The following SEMA6D variants were observed in gnomAD, a reference collection of about 807,000 sequenced individuals.
SEMA6D encodes the protein semaphorin 6D, also known as semaphorin-6D.
In SEMA6D, 35 loss-of-function variants were observed where a neutral mutation model predicts 106.6. The ratio of observed to expected loss-of-function variants is 0.33; its 90% CI spans 0.25 to 0.44. SEMA6D has a LOEUF of 0.44. Among genes scored for constraint, SEMA6D ranks in the 20% least tolerant of loss-of-function variants. SEMA6D has a pLI of 1.00. For synonymous variants in SEMA6D, 499 were observed against 487.7 expected, an observed-to-expected ratio of 1.02 and a Z score of -0.31; for missense variants, 1,185 against 1,345.9, an observed-to-expected ratio of 0.88 and a Z score of 1.87.
At position 47,602,103 on chromosome 15, in the gene SEMA6D, A is replaced by G. The variant is rs1313930160; in HGVS notation, c.-55+1207A>G. ...ATGTAGTCATCTTACTCTATGAAAC[A>G]GAAACATATTTGGATCACAAACCTG... On this transcript the variant is annotated intron_variant, in intron 4 of 19. Coordinates refer to the SEMA6D transcript ENST00000558014. 3.3e-5 allele frequency among the ~76,000 whole-genome samples: 5 copies of G among 152,342 alleles called. No individual in the cohort carries two copies. In the East Asian group the frequency reaches 9.6e-4, roughly 29 times the overall value.
chr15:47,641,054 A>G (rs1199943589), intron 4 of SEMA6D, among the ~76,000 whole-genome samples: 1 of 152,174 alleles, frequency 6.6e-6, no homozygotes, highest in Admixed American at 6.5e-5. Flanking sequence ...TTCAAAGCCA[A>G]GTTAAATGGA....
At chr15:47,369,143 G>A (rs1173995422) in intron 1 of SEMA6D, among the ~76,000 whole-genome samples, 2 of 152,168 alleles carry the variant, frequency 1.3e-5, no homozygotes, top group African/African-American at 4.8e-5. Flanking sequence ...AAATGAAAGG[G>A]CATTTAAGTG....
At chr15:47,713,283 A>G (rs1050617001), upstream of SEMA6D, among the ~76,000 whole-genome samples, 1 of 152,226 alleles carries the variant, frequency 6.6e-6, no homozygotes, top group Non-Finnish European at 1.5e-5. Context: ...GCACATTTTT[A>G]TCATTCTAAA....
In SEMA6D at chr15:47,217,764, A is replaced by T. The variant is rs547188896; in HGVS notation, c.-239+33346A>T. On this transcript the variant is annotated intron_variant, in intron 1 of 19. Coordinates refer to the SEMA6D transcript ENST00000558014. Reference sequence around the variant, plus strand: ...CTTAATTAAAGTTAAATATATTAAAAATATATATATTTAAATATGTTGTGC... The same window carrying T: ...CTTAATTAAAGTTAAATATATTAAATATATATATATTTAAATATGTTGTGC... 1.4e-4 allele frequency among the ~76,000 whole-genome samples: 21 copies of T among 151,750 alleles called. No individual in the cohort carries two copies. In the South Asian group the frequency reaches 3.5e-3, roughly 25 times the overall value.
Position 47,315,427 on chromosome 15 carries a change from ACTCT to A in SEMA6D, c.-238-96963_-238-96960del, listed in dbSNP as rs1004541413. Among the ~76,000 whole-genome samples the A allele has an allele frequency of 1.1e-4, 16 of 151,206 alleles. No homozygotes were observed. In the East Asian group the frequency reaches 2.3e-3, roughly 22 times the overall value. On this transcript the variant is annotated intron_variant, in intron 1 of 19. Transcript: ENST00000558014. Reference sequence around the variant, plus strand: ...TACATTTACGGGGGTCTATTTCTGGACTCTCTATCCTCTTCCATTAATCTATTTG... The same window carrying A: ...TACATTTACGGGGGTCTATTTCTGGACTATCCTCTTCCATTAATCTATTTG...
At chr15:47,335,778 A>T (rs2037528925) in intron 1 of SEMA6D, among the ~76,000 whole-genome samples, 1 of 152,196 alleles carries the variant, frequency 6.6e-6, no homozygotes, top group South Asian at 2.1e-4. Flanking sequence ...CATAGGACTC[A>T]TCCAAGCAGG....
At chr15:47,266,156 C>T (rs1248310673) in intron 1 of SEMA6D, among the ~76,000 whole-genome samples, 1 of 152,082 alleles carries the variant, frequency 6.6e-6, no homozygotes, top group South Asian at 2.1e-4. Flanking sequence ...ACAATCTGCT[C>T]CACAGTTTTG....
At chr15:47,283,769 T>C (rs2035238256) in intron 1 of SEMA6D, among the ~76,000 whole-genome samples, 1 of 152,176 alleles carries the variant, frequency 6.6e-6, no homozygotes, top group Admixed American at 6.5e-5. Flanking sequence ...GTCTCAACCC[T>C]GTGTTTAATC....
At chr15:47,745,044 T>A (rs1305258730) in intron 1 of SEMA6D, among the ~76,000 whole-genome samples, 3 of 152,158 alleles carry the variant, frequency 2.0e-5, no homozygotes, top group African/African-American at 7.2e-5. Context: ...CTCCCTATTA[T>A]CTCCAGGTGT....
At chr15:47,506,835 G>A (rs947210169) in intron 3 of SEMA6D, among the ~76,000 whole-genome samples, 1 of 152,074 alleles carries the variant, frequency 6.6e-6, no homozygotes, top group Non-Finnish European at 1.5e-5. Context: ...CATTATTCCT[G>A]TTGCCATATT....
chr15:47,500,199 A>C (rs538978124), intron 3 of SEMA6D, among the ~76,000 whole-genome samples: 28 of 152,288 alleles, frequency 1.8e-4, no homozygotes, highest in African/African-American at 5.8e-4. Flanking sequence ...TCTGTTTAAC[A>C]GACACTTCCT....
At chr15:47,305,429 T>C (rs2036195926) in intron 1 of SEMA6D, among the ~76,000 whole-genome samples, 1 of 152,202 alleles carries the variant, frequency 6.6e-6, no homozygotes, top group Non-Finnish European at 1.5e-5. Flanking sequence ...AAAAAAGCCA[T>C]GATCCCTTAT....
chr15:47,460,476 C>T (rs764813420), intron 2 of SEMA6D, among the ~76,000 whole-genome samples: 3 of 151,964 alleles, frequency 2.0e-5, no homozygotes, highest in Non-Finnish European at 2.9e-5. Flanking sequence ...TCTCAATGTG[C>T]TTTGAAAGCA....
At chr15:47,531,046 A>C (rs2044943409) in intron 3 of SEMA6D, among the ~76,000 whole-genome samples, 1 of 152,236 alleles carries the variant, frequency 6.6e-6, no homozygotes, top group African/African-American at 2.4e-5. Flanking sequence ...TTTATACAAG[A>C]AATTAAAAAT....
intron 1 of SEMA6D, among the ~76,000 whole-genome samples, chr15:47,320,965 G>A (rs1300123676): frequency 1.3e-5 from 2 of 152,090 alleles, no homozygotes; most frequent in Non-Finnish European, 2.9e-5. Context: ...CAATACCTGG[G>A]TGTTCACTGT....
chr15:47,359,651 T>C (rs1690862380), intron 1 of SEMA6D: 1 of 152,134 alleles, frequency 6.6e-6, no homozygotes, highest in Non-Finnish European at 1.5e-5. Context: ...CAGGGATTAA[T>C]ATCTACTAAG....
At chr15:47,322,811 A>C (rs927996360) in intron 1 of SEMA6D, among the ~76,000 whole-genome samples, 1 of 152,112 alleles carries the variant, frequency 6.6e-6, no homozygotes, top group African/African-American at 2.4e-5. Context: ...GTGATTTTGT[A>C]TTTCCCTCGG....
chr15:47,607,683 C>T (rs541746567), intron 4 of SEMA6D, among the ~76,000 whole-genome samples: 19 of 152,348 alleles, frequency 1.2e-4, no homozygotes, highest in African/African-American at 3.8e-4. Context: ...CTTGCAAATG[C>T]GTAACCTTGT....
chr15:47,417,388 A>C (rs375631818), intron 2 of SEMA6D, among the ~76,000 whole-genome samples: 18 of 150,286 alleles, frequency 1.2e-4, no homozygotes, highest in African/African-American at 4.4e-4. Context: ...TTTAGACTCT[A>C]TCTGCTTATA....
Sources: gnomAD v4.1 joint callset for allele counts (sites outside exome capture counted in the v4.1 genomes callset) on GRCh38, gnomAD v4.1.1 for gene constraint, MANE v1.5 for transcripts, NCBI Gene and HGNC (gene_info 2026-07-23, HGNC 2026-07-21) for gene names.